SGCZ: variants seen among roughly 807,000 people sequenced by gnomAD.
SGCZ encodes the protein sarcoglycan zeta.
A neutral mutation model predicts 41.3 loss-of-function variants in SGCZ; 40 were observed. The ratio of observed to expected loss-of-function variants is 0.97; its 90% CI spans 0.75 to 1.26. The LOEUF (loss-of-function observed/expected upper bound fraction) is 1.26, where lower values mean the gene tolerates loss of function less well. Ranked by LOEUF, SGCZ falls within the 50% of genes most tolerant of loss-of-function variation. The pLI is 0.00. For missense variants in SGCZ, 552 were observed against 369.8 expected (o/e 1.49, Z -4.04); for synonymous variants, 206 against 137.5 (o/e 1.50, Z -3.49).
intron 1 of SGCZ, among the ~76,000 whole-genome samples, chr8:14,812,570 C>T (rs998773135): frequency 1.3e-5 from 2 of 152,012 alleles, no homozygotes; most frequent in African/African-American, 4.8e-5. Context: ...GACTGAGTAT[C>T]TTGTTTTGTA....
chr8:14,447,571 A>G (rs78460011), intron 2 of SGCZ, among the ~76,000 whole-genome samples: 2 of 152,190 alleles, frequency 1.3e-5, no homozygotes, highest in Non-Finnish European at 2.9e-5. Flanking sequence ...TTTAAAAGCA[A>G]TCAACATTAC....
At position 14,147,895 on chromosome 8, in the gene SGCZ, A is replaced by T. The variant is rs370252388; in HGVS notation, c.547+16685T>A. 1.1e-4 allele frequency among the ~76,000 whole-genome samples: 17 copies of T among 152,132 alleles called. 1 individual carries two copies. The South Asian group carries it at 3.3e-3, about 30-fold the overall frequency. The stretch of plus-strand genomic sequence containing the variant: ...ACAATAAAACTAGAAATTAATAATA[A>T]GAGGAATTTTGCGAACTATACAAAT... On this transcript the variant is annotated intron_variant, in intron 5 of 7. Coordinates refer to ENST00000382080, the MANE Select transcript of SGCZ (RefSeq NM_139167.4).
intron 1 of SGCZ, among the ~76,000 whole-genome samples, chr8:14,783,700 G>C (rs974540753): frequency 4.6e-5 from 7 of 152,088 alleles, no homozygotes; most frequent in Non-Finnish European, 8.8e-5. Flanking sequence ...ATCAGTTTAA[G>C]GGTTTTTGCT....
chr8:14,860,153 G>A (rs1803671648), intron 1 of SGCZ, among the ~76,000 whole-genome samples: 1 of 151,294 alleles, frequency 6.6e-6, no homozygotes, highest in Non-Finnish European at 1.5e-5. Context: ...TACTCTAATT[G>A]ACTAAAAACT....
At chr8:15,041,757 A>ATTTTTTTTTTTTTTTTTTTTTTTTT (rs1804104949) in intron 1 of SGCZ, among the ~76,000 whole-genome samples, 1 of 136,236 alleles carries the variant, frequency 7.3e-6, no homozygotes, top group African/African-American at 2.5e-5. Flanking sequence ...AGACTTTTTA[A>ATTTTTTTTTTTTTTTTTTTTTTTTT]TTCTTATATG....
intron 3 of SGCZ, among the ~76,000 whole-genome samples, chr8:14,279,282 C>G (rs61683100): frequency 0.012 from 1,827 of 151,932 alleles, 42 homozygotes; most frequent in African/African-American, 0.04. Flanking sequence ...CAAACTTTGC[C>G]AAATATTAAG....
chr8:14,435,799 C>T (rs1369555843), intron 2 of SGCZ, among the ~76,000 whole-genome samples: 1 of 152,176 alleles, frequency 6.6e-6, no homozygotes, highest in Non-Finnish European at 1.5e-5. Flanking sequence ...TGATGTGCTA[C>T]ACAATACTCA....
chr8:14,884,410 A>G lies in SGCZ; in HGVS notation c.40-329484T>C, dbSNP rs559350984. Among the ~76,000 whole-genome samples the G allele has an allele frequency of 4.6e-5, 7 of 152,214 alleles. No homozygotes were observed. The South Asian group carries it at 1.5e-3, about 32-fold the overall frequency. ...TTTATATATCAGTATAAGATAAATGAACTATTTATTTATGCCATAAGCTAT... is the reference window on the plus strand; with the variant it reads ...TTTATATATCAGTATAAGATAAATGGACTATTTATTTATGCCATAAGCTAT... On this transcript the variant is annotated intron_variant, in intron 1 of 7. Coordinates refer to ENST00000382080, the MANE Select transcript of SGCZ (RefSeq NM_139167.4).
intron 1 of SGCZ, among the ~76,000 whole-genome samples, chr8:15,143,667 T>C (rs1798960909): frequency 6.6e-6 from 1 of 152,158 alleles, no homozygotes; most frequent in Non-Finnish European, 1.5e-5. Context: ...AATTAACCCA[T>C]CTCCTTGGGG....
intron 1 of SGCZ, among the ~76,000 whole-genome samples, chr8:14,862,582 A>T (rs1379106460): frequency 8.2e-6 from 1 of 121,934 alleles, no homozygotes; most frequent in African/African-American, 3.1e-5. Flanking sequence ...ATATATATAT[A>T]CACACACAAT....
At chr8:14,874,357 G>C (rs148641444) in intron 1 of SGCZ, among the ~76,000 whole-genome samples, 3,588 of 152,070 alleles carry the variant, frequency 0.024, 51 homozygotes, top group Middle Eastern at 0.048. Context: ...ATAGGACTTG[G>C]CTCATAATTT....
intron 2 of SGCZ, among the ~76,000 whole-genome samples, chr8:14,435,597 G>C (rs1221771604): frequency 6.6e-6 from 1 of 152,106 alleles, no homozygotes; most frequent in Non-Finnish European, 1.5e-5. Flanking sequence ...AGATAGCATG[G>C]CCTATATCTA....
intron 2 of SGCZ, among the ~76,000 whole-genome samples, chr8:14,462,886 T>G (rs1050743008): frequency 6.6e-6 from 1 of 150,868 alleles, no homozygotes; most frequent in Admixed American, 6.6e-5. Context: ...TTTTTGAGTT[T>G]TCTTTCATTG....
chr8:14,137,853 A>G (rs1803249217), intron 5 of SGCZ, among the ~76,000 whole-genome samples: 2 of 152,204 alleles, frequency 1.3e-5, no homozygotes, highest in Non-Finnish European at 2.9e-5. Flanking sequence ...CTCCTCAAGA[A>G]GAGCAACCCC....
At chr8:14,540,998 GTA>G (rs1412168382) in intron 2 of SGCZ, among the ~76,000 whole-genome samples, 1 of 149,968 alleles carries the variant, frequency 6.7e-6, no homozygotes, top group Admixed American at 6.7e-5. Context: ...GTATATATAT[GTA>G]TATATAGAGA....
intron 5 of SGCZ, among the ~76,000 whole-genome samples, chr8:14,163,368 G>C (rs1009590143): frequency 1.3e-5 from 2 of 152,040 alleles, no homozygotes; most frequent in African/African-American, 2.4e-5. Flanking sequence ...CCCTCTATGT[G>C]TCCATGTGTT....
At chr8:14,936,286 C>T (rs997649636) in intron 1 of SGCZ, among the ~76,000 whole-genome samples, 4 of 151,814 alleles carry the variant, frequency 2.6e-5, no homozygotes, top group East Asian at 1.9e-4. Flanking sequence ...TTGAAAATAC[C>T]CTAAGTCTTA....
intron 1 of SGCZ, among the ~76,000 whole-genome samples, chr8:14,956,602 A>G (rs1432607463): frequency 6.6e-6 from 1 of 152,128 alleles, no homozygotes; most frequent in Non-Finnish European, 1.5e-5. Context: ...TAACACAATA[A>G]CAAAATCACA....
At chr8:14,660,571 C>CAAAAAAAA (rs71304960) in intron 1 of SGCZ, among the ~76,000 whole-genome samples, 1 of 67,286 alleles carries the variant, frequency 1.5e-5, no homozygotes, top group African/African-American at 4.8e-5. Context: ...AACTCCATCT[C>CAAAAAAAA]AAAAAAAAAA....
Sources: gnomAD v4.1 joint callset for allele counts (sites outside exome capture counted in the v4.1 genomes callset) on GRCh38, gnomAD v4.1.1 for gene constraint, MANE v1.5 for transcripts, NCBI Gene and HGNC (gene_info 2026-07-23, HGNC 2026-07-21) for gene names.